The following CDADC1 variants were observed in gnomAD, a reference collection of about 807,000 sequenced individuals.
The protein encoded by CDADC1 is dCTP deaminase.
In CDADC1, 39 loss-of-function variants were observed where a neutral mutation model predicts 54.9. That is an observed-to-expected ratio of 0.71 (90% CI 0.55 to 0.93). CDADC1 has a LOEUF of 0.93. Among genes scored for constraint, CDADC1 ranks in the 40% least tolerant of loss-of-function variants. The pLI is 0.00. For missense variants in CDADC1, 518 were observed against 618.8 expected, an observed-to-expected ratio of 0.84 and a Z score of 1.73; for synonymous variants, 186 against 204.0, an observed-to-expected ratio of 0.91 and a Z score of 0.75.
intron 2 of CDADC1, among the ~76,000 whole-genome samples, chr13:49,253,006 G>A (rs914796169): frequency 6.6e-6 from 1 of 152,028 alleles, no homozygotes; most frequent in Non-Finnish European, 1.5e-5. Flanking sequence ...GGTATTCTTA[G>A]AGTTGAGTAC....
Position 49,272,377 on chromosome 13 carries a change from G to C in CDADC1, c.1001-1914G>C, listed in dbSNP as rs567439370. ...ACTCATGTTAAACTCTAAAGGTCTA[G>C]GAAGGAACCCAATTTTGTTTACACC... On this transcript the variant is annotated intron_variant, in intron 5 of 9. Transcript: ENST00000251108. 8.9e-4 allele frequency among the ~76,000 whole-genome samples: 135 copies of C among 152,260 alleles called. 1 individual carries two copies. Among genetic ancestry groups the C allele is most frequent in the Non-Finnish European group, 1.2e-3 (81 of 68,034 alleles).
intron 5 of CDADC1, among the ~76,000 whole-genome samples, 171 bp from the exon 6 acceptor site, chr13:49,274,120 A>G (rs940165300): frequency 2.6e-5 from 4 of 152,200 alleles, no homozygotes; most frequent in African/African-American, 9.6e-5. Context: ...CCCATATTCC[A>G]TACTTAAAAG....
intron 5 of CDADC1, among the ~76,000 whole-genome samples, chr13:49,269,840 A>C (rs915425201): frequency 2.0e-5 from 3 of 152,258 alleles, no homozygotes; most frequent in African/African-American, 7.2e-5. Context: ...CAGTATGTAT[A>C]CATTTGCATT....
Position 49,267,619 on chromosome 13 carries a change from ATG to A in CDADC1, c.568_569del (p.Val190LeufsTer21), listed in dbSNP as rs768815727. 6.2e-7 allele frequency: 1 copy of A among 1,614,142 alleles called. No individual in the cohort carries two copies. The highest frequency in any genetic ancestry group is 8.5e-7 in the Non-Finnish European group (1 of 1,180,016). On this transcript the variant is annotated frameshift_variant, in exon 5 of 10. Coordinates refer to ENST00000251108, the MANE Select transcript of CDADC1 (RefSeq NM_030911.4). LOFTEE classifies it high-confidence loss of function. ...AGATTGAAGTCAAACAGTCGGGCCC[ATG>A]TGTGTGTCTTACTTCAACCTTTGGT... is the stretch of plus-strand genomic sequence containing the variant.
At chr13:49,254,031 C>T (rs1057067353) in intron 2 of CDADC1, among the ~76,000 whole-genome samples, 9 of 152,190 alleles carry the variant, frequency 5.9e-5, no homozygotes, top group African/African-American at 2.2e-4. Flanking sequence ...ACAATTTCCT[C>T]ATTTGTACAA....
intron 5 of CDADC1, among the ~76,000 whole-genome samples, chr13:49,271,515 G>A (rs1055654197): frequency 6.6e-6 from 1 of 152,096 alleles, no homozygotes; most frequent in African/African-American, 2.4e-5. Context: ...AATCAAGGGG[G>A]AGCTCAGGAG....
chr13:49,282,128 A>G (rs1953361635), intron 8 of CDADC1, among the ~76,000 whole-genome samples: 1 of 152,006 alleles, frequency 6.6e-6, no homozygotes, highest in African/African-American at 2.4e-5. Context: ...CGGGAAAAAA[A>G]GAATTTCTTA....
intron 9 of CDADC1, among the ~76,000 whole-genome samples, chr13:49,287,594 C>T (rs1953560794): frequency 2.0e-5 from 3 of 151,952 alleles, no homozygotes; most frequent in African/African-American, 7.3e-5. Context: ...GAATAATTTC[C>T]TATGTTAGGG....
At chr13:49,267,391 G>T in intron 4 of CDADC1, 99 bp from the exon 5 acceptor site, 1 of 977,942 alleles carries the variant, frequency 1.0e-6, no homozygotes, top group Non-Finnish European at 1.5e-6. Flanking sequence ...TTATTATATT[G>T]AGGGTTCTAG....
chr13:49,284,794 T>C (rs1360683986), intron 8 of CDADC1, among the ~76,000 whole-genome samples: 2 of 152,218 alleles, frequency 1.3e-5, no homozygotes, highest in Non-Finnish European at 2.9e-5. Context: ...AACTAGTTAA[T>C]CTGATGAGTG....
In CDADC1 at chr13:49,292,588, G is replaced by T; in HGVS notation, c.*831G>T. ...TATAATTAACATAGGTTGTCTCATG[G>T]CTTTGATCTTCAAAAGGAAGAGCCT... is the stretch of plus-strand genomic sequence containing the variant. On this transcript the variant is annotated 3_prime_UTR_variant, in exon 10 of 10. Transcript: ENST00000251108. 1 of 1,158,674 alleles carries T rather than the reference G, an allele frequency of 8.6e-7. No homozygotes were observed. The highest frequency in any genetic ancestry group is 1.8e-5 in the South Asian group (1 of 56,166). 71.8% of individuals were successfully genotyped at this position (1,158,674 alleles called of 1,614,324 possible). A position where few individuals can be genotyped will look rare whatever the true frequency, so the allele number is the denominator to read the frequency against.
intron 5 of CDADC1, among the ~76,000 whole-genome samples, chr13:49,271,794 G>GT (rs1480472044): frequency 6.6e-6 from 1 of 152,114 alleles, no homozygotes; most frequent in African/African-American, 2.4e-5. Context: ...CTCAATGATT[G>GT]TAAGTTGACC....
At chr13:49,265,401 G>A (rs1952793036) in intron 4 of CDADC1, among the ~76,000 whole-genome samples, 1 of 152,138 alleles carries the variant, frequency 6.6e-6, no homozygotes, top group Non-Finnish European at 1.5e-5. Context: ...AACCCTCCCT[G>A]AAAATCTCAA....
intron 5 of CDADC1, among the ~76,000 whole-genome samples, chr13:49,269,668 A>C (rs1377193052): frequency 6.6e-6 from 1 of 152,234 alleles, no homozygotes; most frequent in Non-Finnish European, 1.5e-5. Context: ...TGTTGTAGCT[A>C]TAATTCACTA....
At chr13:49,281,919 A>ACCCCC (rs371274966) in intron 8 of CDADC1, among the ~76,000 whole-genome samples, 1 of 75,582 alleles carries the variant, frequency 1.3e-5, no homozygotes, top group Non-Finnish European at 2.8e-5. Context: ...TGCTACCCCC[A>ACCCCC]CCCCCCTCCC....
chr13:49,248,149 C>T, intron 1 of CDADC1, 30 bp downstream of exon 1: 1 of 1,527,900 alleles, frequency 6.5e-7, no homozygotes, highest in Middle Eastern at 1.9e-4. Flanking sequence ...CTCCCGCCAC[C>T]CTACCTTTCG....
intron 6 of CDADC1, among the ~76,000 whole-genome samples, chr13:49,275,718 TATATATATAGAGAGAGAGAG>T (rs1566369972): frequency 1.5e-4 from 6 of 38,916 alleles, no homozygotes; most frequent in African/African-American, 3.2e-4. Flanking sequence ...TATATATATA[TATATATATAGAGAGAGAGAG>T]AGAGAGAGAG....
Position 49,255,846 on chromosome 13 carries a change from A to C in CDADC1, c.185A>C (p.Glu62Ala), listed in dbSNP as rs1952533171. 1.9e-6 allele frequency: 3 copies of C among 1,610,748 alleles called. No homozygotes were observed. The South Asian group carries it at 3.3e-5, about 18-fold the overall frequency. ...TAATCTGATTTTTATTAGAAAAATG[A>C]AGAGGGAAAGCATGGACCCTTAGGA... ...EAQRQKSQKN[E>A]EGKHGPLGDN... The change falls in exon 3 of 10, where the codon GAA becomes GCA. Residue 62 changes from glutamate to alanine, a missense_variant. By Grantham distance (107) the Glu-to-Ala change is moderately radical. Coordinates refer to ENST00000251108, the MANE Select transcript of CDADC1 (RefSeq NM_030911.4).
intron 4 of CDADC1, among the ~76,000 whole-genome samples, chr13:49,260,392 C>T (rs762552878): frequency 1.3e-5 from 2 of 152,202 alleles, no homozygotes; most frequent in African/African-American, 2.4e-5. Flanking sequence ...GCTGTTGTCA[C>T]CTCTAGGGCT....
Sources: gnomAD v4.1 joint callset for allele counts (sites outside exome capture counted in the v4.1 genomes callset) on GRCh38, gnomAD v4.1.1 for gene constraint, MANE v1.5 for transcripts, NCBI Gene and HGNC (gene_info 2026-07-23, HGNC 2026-07-21) for gene names.